SDCCAG8: variants seen among roughly 807,000 people sequenced by gnomAD.
The protein encoded by SDCCAG8 is serologically defined colon cancer antigen 8.
In SDCCAG8, 74 loss-of-function variants were observed where a neutral mutation model predicts 101.8. The ratio of observed to expected loss-of-function variants is 0.73; its 90% CI spans 0.60 to 0.88. The LOEUF (loss-of-function observed/expected upper bound fraction) is 0.88. Among genes scored for constraint, SDCCAG8 ranks in the 40% least tolerant of loss-of-function variants. The probability of loss-of-function intolerance (pLI) is 0.00; values close to 1 mark genes in which losing one functional copy is unlikely to be tolerated. For missense variants in SDCCAG8, 787 were observed against 822.6 expected, an observed-to-expected ratio of 0.96 and a Z score of 0.53; for synonymous variants, 281 against 292.9, an observed-to-expected ratio of 0.96 and a Z score of 0.41.
intron 8 of SDCCAG8, among the ~76,000 whole-genome samples, chr1:243,315,205 C>A (rs1370368347): frequency 6.6e-6 from 1 of 152,116 alleles, no homozygotes; most frequent in Non-Finnish European, 1.5e-5. Context: ...AATCATAGAT[C>A]CTAACTGGAT....
intron 16 of SDCCAG8, among the ~76,000 whole-genome samples, chr1:243,450,148 T>G (rs536665706): frequency 9.8e-5 from 15 of 152,312 alleles, no homozygotes; most frequent in Admixed American, 8.5e-4. Context: ...GATGTCCTTC[T>G]CTCCTCATTA....
chr1:243,495,433 ACT>A (rs1667569517), intron 17 of SDCCAG8, among the ~76,000 whole-genome samples: 1 of 151,990 alleles, frequency 6.6e-6, no homozygotes, highest in Non-Finnish European at 1.5e-5. Context: ...AGGGCTTTGA[ACT>A]CTGACTGCGG....
intron 13 of SDCCAG8, among the ~76,000 whole-genome samples, chr1:243,396,900 A>G (rs530850850): frequency 9.8e-5 from 15 of 152,382 alleles, no homozygotes; most frequent in African/African-American, 3.6e-4. Context: ...ATTTAAATCC[A>G]TGCCGACAGT....
intron 13 of SDCCAG8, among the ~76,000 whole-genome samples, chr1:243,409,004 C>G (rs867643849): frequency 1.3e-5 from 2 of 152,162 alleles, no homozygotes; most frequent in Non-Finnish European, 1.5e-5. Flanking sequence ...ATGCCATACT[C>G]TGACCCTCTA....
chr1:243,371,091 G>A (rs1436868777), intron 12 of SDCCAG8, among the ~76,000 whole-genome samples: 2 of 152,110 alleles, frequency 1.3e-5, no homozygotes, highest in African/African-American at 2.4e-5. Context: ...ACCAGGCCCA[G>A]GGCTTTGCAC....
chr1:243,481,928 G>A (rs1394657472), intron 16 of SDCCAG8, among the ~76,000 whole-genome samples: 1 of 152,254 alleles, frequency 6.6e-6, no homozygotes, highest in Non-Finnish European at 1.5e-5. Context: ...CCCCTCTGGG[G>A]AAGGAAGGGG....
intron 12 of SDCCAG8, among the ~76,000 whole-genome samples, chr1:243,359,956 A>G (rs1281931179): frequency 6.6e-6 from 1 of 152,016 alleles, no homozygotes; most frequent in Non-Finnish European, 1.5e-5. Context: ...TCTTTTTTAT[A>G]TTTAGTTGTT....
chr1:243,270,051 C>T (rs1203376161), intron 1 of SDCCAG8, 54 bp from the exon 2 acceptor site: 8 of 1,613,158 alleles, frequency 5.0e-6, no homozygotes, highest in East Asian at 2.2e-5. Context: ...AGTAAGTGTC[C>T]GTTTGGTCAA....
intron 9 of SDCCAG8, chr1:243,318,184 T>C: frequency 2.4e-6 from 1 of 408,832 alleles, no homozygotes; most frequent in Admixed American, 2.8e-5. Flanking sequence ...ATAAAAAGAA[T>C]GAGATCCGAT....
chr1:243,356,176 G>A (rs976228353), intron 12 of SDCCAG8, among the ~76,000 whole-genome samples: 4 of 152,178 alleles, frequency 2.6e-5, no homozygotes, highest in African/African-American at 7.2e-5. Flanking sequence ...ACAGACTAAC[G>A]AATACATCAA....
intron 13 of SDCCAG8, among the ~76,000 whole-genome samples, chr1:243,379,529 C>T (rs1166876789): frequency 6.6e-6 from 1 of 152,036 alleles, no homozygotes; most frequent in Admixed American, 6.6e-5. Flanking sequence ...TGTGAATTTG[C>T]TGCATTGGAA....
At chr1:243,326,036 A>G (rs1325012320) in intron 9 of SDCCAG8, among the ~76,000 whole-genome samples, 51 of 152,138 alleles carry the variant, frequency 3.4e-4, no homozygotes, top group Non-Finnish European at 2.6e-4. Flanking sequence ...GTTGAGAGGT[A>G]TGTGTAAAGG....
intron 6 of SDCCAG8, among the ~76,000 whole-genome samples, chr1:243,300,340 T>C (rs2071382690): frequency 6.6e-6 from 1 of 152,222 alleles, no homozygotes; most frequent in African/African-American, 2.4e-5. Context: ...AATATTTCTA[T>C]ACTAAATCCT....
At chr1:243,339,223 A>G (rs1394397923) in intron 10 of SDCCAG8, among the ~76,000 whole-genome samples, 1 of 152,226 alleles carries the variant, frequency 6.6e-6, no homozygotes, top group Non-Finnish European at 1.5e-5. Flanking sequence ...GAAATGGACT[A>G]GAATTTATAA....
intron 12 of SDCCAG8, among the ~76,000 whole-genome samples, chr1:243,375,699 T>A (rs1165697997): frequency 2.6e-5 from 4 of 152,270 alleles, no homozygotes; most frequent in African/African-American, 9.6e-5. Flanking sequence ...TTGAGAGTAA[T>A]GTACAATTGG....
intron 13 of SDCCAG8, among the ~76,000 whole-genome samples, chr1:243,415,124 G>A (rs1457683128): frequency 3.9e-5 from 6 of 152,118 alleles, no homozygotes; most frequent in African/African-American, 1.2e-4. Flanking sequence ...AGTGCTGGGG[G>A]AAGTTATTCG....
At position 243,476,481 on chromosome 1, in the gene SDCCAG8, G is replaced by A. The variant is rs555855771; in HGVS notation, c.1986-12533G>A. 3.3e-4 allele frequency: 175 copies of A among 522,624 alleles called. No homozygotes were observed. In the African/African-American group the frequency reaches 3.4e-3, roughly 10 times the overall value. The allele number at this position is 522,624 out of a possible 1,614,324, so 32.4% of individuals were successfully genotyped here. A position where few individuals can be genotyped will look rare whatever the true frequency, so the allele number is the denominator to read the frequency against. On this transcript the variant is annotated intron_variant, in intron 16 of 17. Transcript: ENST00000366541. ...ATGGTCAAATATGAAGGAAATTGAG[G>A]AAGACCTCACCACAGTGTGGAACGT...
At chr1:243,470,936 G>A (rs1471399031) in intron 16 of SDCCAG8, among the ~76,000 whole-genome samples, 1 of 151,988 alleles carries the variant, frequency 6.6e-6, no homozygotes, top group Non-Finnish European at 1.5e-5. Flanking sequence ...AAAAATGATC[G>A]AGCCCTGAAT....
At position 243,412,791 on chromosome 1, in the gene SDCCAG8, A is replaced by G. The variant is rs559031063; in HGVS notation, c.1617-2911A>G. ...TCTGCCTTTAAATCATTCACTATGC[A>G]ACCTATAAGCAGACTTCAAATTCTT... is the stretch of plus-strand genomic sequence containing the variant. On this transcript the variant is annotated intron_variant, in intron 13 of 17. Transcript: ENST00000366541. Among the ~76,000 whole-genome samples the G allele has an allele frequency of 2.6e-5, 4 of 152,216 alleles. No homozygotes were observed. In the South Asian group the frequency reaches 8.3e-4, roughly 32 times the overall value.
Sources: allele counts gnomAD v4.1 joint callset (sites outside exome capture counted in the v4.1 genomes callset), GRCh38; gene constraint gnomAD v4.1.1; transcripts MANE v1.5; gene names NCBI Gene and HGNC (gene_info 2026-07-23, HGNC 2026-07-21).